Variants in CMTM6 observed in about 807,000 individuals in gnomAD.
CMTM6 encodes CKLF like MARVEL transmembrane domain containing 6.
CMTM6 carries 5 observed loss-of-function variants against 13.6 expected under a neutral mutation model. That is an observed-to-expected ratio of 0.37 (90% CI 0.19 to 0.77). CMTM6 has a LOEUF of 0.77. CMTM6 is among the 30% of genes least tolerant of loss of function. The pLI is 0.50. For synonymous variants in CMTM6, 99 were observed against 84.5 expected, an observed-to-expected ratio of 1.17 and a Z score of -0.94; for missense variants, 196 against 218.6, an observed-to-expected ratio of 0.90 and a Z score of 0.65.
At position 32,493,664 on chromosome 3, in the gene CMTM6, C is replaced by T. The variant is rs542660461; in HGVS notation, c.139-1778G>A. ...GAAATCTGAGGAATCTGAAGATTTACGGGATATGCAGAGGGGAAGAAACCA... is the reference window on the plus strand; with the variant it reads ...GAAATCTGAGGAATCTGAAGATTTATGGGATATGCAGAGGGGAAGAAACCA... On this transcript the variant is annotated intron_variant, in intron 1 of 3. Coordinates refer to ENST00000205636, the MANE Select transcript of CMTM6 (RefSeq NM_017801.3). 8.5e-5 allele frequency among the ~76,000 whole-genome samples: 13 copies of T among 152,068 alleles called. No individual in the cohort carries two copies. The South Asian group carries it at 2.7e-3, about 32-fold the overall frequency.
In CMTM6 at chr3:32,502,686, G is replaced by C. The variant is rs758194560; in HGVS notation, c.60C>G (p.Gly20=). ...TTEEDPGPAR[G]PRSGLAAYFF... ...AGTAGGCAGCGAGGCCGCTCCGGGGGCCTCTGGCGGGGCCCGGGTCCTCCT... is the reference window on the plus strand; with the variant it reads ...AGTAGGCAGCGAGGCCGCTCCGGGGCCCTCTGGCGGGGCCCGGGTCCTCCT... Residue 20 remains glycine, a synonymous_variant, in exon 1 of 4, where the codon GGC becomes GGG. Coordinates refer to ENST00000205636, the MANE Select transcript of CMTM6 (RefSeq NM_017801.3). The C allele has an allele frequency of 4.4e-6, 7 of 1,587,196 alleles. No homozygotes were observed. The East Asian group carries it at 1.2e-4, about 26-fold the overall frequency.
intron 2 of CMTM6, among the ~76,000 whole-genome samples, chr3:32,491,425 A>G (rs1416457025): frequency 6.6e-6 from 1 of 152,230 alleles, no homozygotes; most frequent in Non-Finnish European, 1.5e-5. Flanking sequence ...GAGAAATCAG[A>G]AGTGACAAAA....
chr3:32,493,573 A>G (rs1264742445), intron 1 of CMTM6, among the ~76,000 whole-genome samples: 3 of 152,178 alleles, frequency 2.0e-5, no homozygotes, highest in Admixed American at 2.0e-4. Flanking sequence ...AGATGCAGAT[A>G]AAGATGTGGG....
intron 1 of CMTM6, among the ~76,000 whole-genome samples, chr3:32,495,234 G>T (rs1016797861): frequency 6.6e-6 from 1 of 152,076 alleles, no homozygotes; most frequent in Non-Finnish European, 1.5e-5. Context: ...TTTCCTGTAA[G>T]TTAGTGAAGC....
rs187129297 is a variant in CMTM6, at chr3:32,487,557, T to A, written c.414+381A>T. On this transcript the variant is annotated intron_variant, in intron 3 of 3. Coordinates refer to ENST00000205636, the MANE Select transcript of CMTM6 (RefSeq NM_017801.3). Reference sequence around the variant, plus strand: ...TTACAATTTTACTTTTCCGTCTCCTTTTCTAGACTGAGTCTCTGAATCATT... The same window carrying A: ...TTACAATTTTACTTTTCCGTCTCCTATTCTAGACTGAGTCTCTGAATCATT... 5.9e-3 allele frequency among the ~76,000 whole-genome samples: 902 copies of A among 152,302 alleles called. 6 individuals are homozygous for A. Among genetic ancestry groups the A allele is most frequent in the Middle Eastern group, 0.01 (3 of 294 alleles).
chr3:32,484,199 A>C, intron 3 of CMTM6, 102 bp from the exon 4 acceptor site: 2 of 1,095,946 alleles, frequency 1.8e-6, no homozygotes, highest in Admixed American at 2.9e-5. Flanking sequence ...GATGTTCATG[A>C]ATTTTATCTT....
At chr3:32,501,605 G>A (rs962692112) in intron 1 of CMTM6, among the ~76,000 whole-genome samples, 1 of 152,106 alleles carries the variant, frequency 6.6e-6, no homozygotes, top group Non-Finnish European at 1.5e-5. Flanking sequence ...AATAAAAGTA[G>A]GTCACTAGAG....
intron 3 of CMTM6, among the ~76,000 whole-genome samples, chr3:32,485,242 G>T (rs1376176115): frequency 1.4e-5 from 2 of 143,386 alleles, no homozygotes; most frequent in Admixed American, 6.9e-5. Context: ...AAAAAAAAAA[G>T]AACTTCCTCA....
At chr3:32,492,234 A>G (rs1475341230) in intron 1 of CMTM6, among the ~76,000 whole-genome samples, 1 of 152,138 alleles carries the variant, frequency 6.6e-6, no homozygotes. Flanking sequence ...TGGGGGATGA[A>G]AGATTAAGGA....
chr3:32,499,832 CCA>C (rs71884477), intron 1 of CMTM6, among the ~76,000 whole-genome samples: 21,952 of 151,720 alleles, frequency 0.14, 2,420 homozygotes, highest in African/African-American at 0.31. Context: ...TGTACAGGCT[CCA>C]CTCTCTATCC....
chr3:32,498,538 T>C (rs2125659663), intron 1 of CMTM6, among the ~76,000 whole-genome samples: 1 of 151,910 alleles, frequency 6.6e-6, no homozygotes, highest in Middle Eastern at 3.4e-3. Flanking sequence ...TCTGGTGATT[T>C]AAACACTGGA....
At chr3:32,500,220 GT>G (rs1697333127) in intron 1 of CMTM6, among the ~76,000 whole-genome samples, 1 of 152,058 alleles carries the variant, frequency 6.6e-6, no homozygotes, top group African/African-American at 2.4e-5. Context: ...ATTCTGTTTA[GT>G]TTTTTAAAAA....
At position 32,502,833 on chromosome 3, in the gene CMTM6, G is replaced by C; in HGVS notation, c.-88C>G. ...AGTCCCCGGTAGCCGGGAGGCGGCC[G>C]TCACTTCCTGGGCCTTCTCCCCGGC... On this transcript the variant is annotated 5_prime_UTR_variant, in exon 1 of 4. Transcript: ENST00000205636. The C allele has an allele frequency of 7.4e-7, 1 of 1,345,644 alleles. No homozygotes were observed. The highest frequency in any genetic ancestry group is 1.7e-5 in the South Asian group (1 of 59,918). 83.4% of individuals were successfully genotyped at this position (1,345,644 alleles called of 1,614,324 possible).
intron 3 of CMTM6, among the ~76,000 whole-genome samples, chr3:32,484,476 G>A (rs962376194): frequency 1.3e-5 from 2 of 152,132 alleles, no homozygotes; most frequent in Non-Finnish European, 2.9e-5. Flanking sequence ...AGGAAAATAC[G>A]TGACTAGGCA....
At chr3:32,492,120 A>G (rs1158706153) in intron 1 of CMTM6, among the ~76,000 whole-genome samples, 3 of 152,236 alleles carry the variant, frequency 2.0e-5, no homozygotes, top group Non-Finnish European at 2.9e-5. Context: ...GCAAAGGGGA[A>G]ATATATAATA....
chr3:32,484,207 C>T, intron 3 of CMTM6, 110 bp from the exon 4 acceptor site: 1 of 1,015,592 alleles, frequency 9.8e-7, no homozygotes, highest in South Asian at 2.2e-5. Flanking sequence ...TGAATTTTAT[C>T]TTATACACGA....
chr3:32,502,355 T>C (rs1697352371), intron 1 of CMTM6, among the ~76,000 whole-genome samples: 1 of 152,258 alleles, frequency 6.6e-6, no homozygotes, highest in African/African-American at 2.4e-5. Context: ...ACGCATTTCC[T>C]GAGCCCGCCT....
At chr3:32,491,422 C>A (rs539527268) in intron 2 of CMTM6, among the ~76,000 whole-genome samples, 1 of 152,268 alleles carries the variant, frequency 6.6e-6, no homozygotes, top group African/African-American at 2.4e-5. Context: ...AGTGAGAAAT[C>A]AGAAGTGACA....
rs1385055867 is a variant in CMTM6 at position 32,481,875 on chromosome 3, C to A, written c.*2085G>T. The A allele has an allele frequency of 3.3e-5, 5 of 152,208 alleles. No homozygotes were observed. Among genetic ancestry groups the A allele is most frequent in the South Asian group, 2.1e-4 (1 of 4,836 alleles). 9.4% of individuals were successfully genotyped at this position (152,208 alleles called of 1,614,324 possible). A position where few individuals can be genotyped will look rare whatever the true frequency, so the allele number is the denominator to read the frequency against. On this transcript the variant is annotated 3_prime_UTR_variant, in exon 4 of 4. Coordinates refer to ENST00000205636, the MANE Select transcript of CMTM6 (RefSeq NM_017801.3). Reference sequence around the variant, plus strand: ...ACCAATGAAACACATGGAGGTGAAACCTCAGAACAAGCGGAGCTTAAGCTC... The same window carrying A: ...ACCAATGAAACACATGGAGGTGAAAACTCAGAACAAGCGGAGCTTAAGCTC...
Sources: gnomAD v4.1 joint callset for allele counts (sites outside exome capture counted in the v4.1 genomes callset) on GRCh38, gnomAD v4.1.1 for gene constraint, MANE v1.5 for transcripts, NCBI Gene and HGNC (gene_info 2026-07-23, HGNC 2026-07-21) for gene names.